PTP4A3: variants seen among roughly 807,000 people sequenced by gnomAD.
The protein encoded by PTP4A3 is protein tyrosine phosphatase 4A3, also known as protein tyrosine phosphatase type IVA 3.
In PTP4A3, 9 loss-of-function variants were observed where a neutral mutation model predicts 15.2. That is an observed-to-expected ratio of 0.59 (90% CI 0.36 to 1.03). The LOEUF (loss-of-function observed/expected upper bound fraction) is 1.03. Ranked by LOEUF, PTP4A3 falls within the 50% of genes least tolerant of loss-of-function variation. The probability of loss-of-function intolerance (pLI) is 0.02; values close to 1 mark genes in which losing one functional copy is unlikely to be tolerated. For missense variants in PTP4A3, 234 were observed against 252.1 expected (o/e 0.93, Z 0.49); for synonymous variants, 95 against 102.0 (o/e 0.93, Z 0.41).
At chr8:141,426,060 CAG>C (rs1464899702) in intron 3 of PTP4A3, among the ~76,000 whole-genome samples, 5 of 152,170 alleles carry the variant, frequency 3.3e-5, no homozygotes, top group Non-Finnish European at 7.4e-5. Flanking sequence ...GGATTGGGGT[CAG>C]ACGTAAGTAG....
intron 2 of PTP4A3, among the ~76,000 whole-genome samples, chr8:141,424,514 C>A (rs150179448): frequency 2.7e-3 from 417 of 152,194 alleles, no homozygotes; most frequent in African/African-American, 9.7e-3. Context: ...GCTGGGGTCG[C>A]TGTTCGGATG....
chr8:141,405,565 G>A (rs1469044252), intron 1 of PTP4A3, among the ~76,000 whole-genome samples: 3 of 152,198 alleles, frequency 2.0e-5, no homozygotes, highest in Admixed American at 2.0e-4. Flanking sequence ...GCTTGTCTCT[G>A]CCTTACTCCC....
At chr8:141,419,941 G>A (rs1390612885) in intron 1 of PTP4A3, among the ~76,000 whole-genome samples, 1 of 152,178 alleles carries the variant, frequency 6.6e-6, no homozygotes, top group Non-Finnish European at 1.5e-5. Flanking sequence ...TGTGGCGGCT[G>A]CTCTGAGCCC....
intron 1 of PTP4A3, among the ~76,000 whole-genome samples, chr8:141,402,607 G>T (rs1241788702): frequency 6.6e-6 from 1 of 152,148 alleles, no homozygotes; most frequent in Admixed American, 6.5e-5. Context: ...GCTGGGTGGA[G>T]TGGGGGCAGG....
Position 141,425,181 on chromosome 8 carries a change from CG to C in PTP4A3, c.198+46del. 1 of 345,420 alleles carries C rather than the reference CG, an allele frequency of 2.9e-6. No homozygotes were observed. 21.4% of individuals were successfully genotyped at this position (345,420 alleles called of 1,614,324 possible). Reference sequence around the variant, plus strand: ...CGGGGACCCTAGTCACTGCTGCCACCGGGGGAGGGTGGGGCGGGGGGCTCCG... The same window carrying C: ...CGGGGACCCTAGTCACTGCTGCCACCGGGGAGGGTGGGGCGGGGGGCTCCG... On this transcript the variant is annotated intron_variant, in intron 3 of 5. Transcript: ENST00000521578. The surrounding 1 kb of genome is among the most constrained non-coding windows in gnomAD (Gnocchi z 4.2).
At chr8:141,392,227 T>C (rs1195794628) in intron 1 of PTP4A3, 143 bp downstream of exon 1, 1 of 150,938 alleles carries the variant, frequency 6.6e-6, no homozygotes, top group African/African-American at 2.4e-5. Context: ...GCCTTCCCCC[T>C]GCCCGCGCGT....
chr8:141,430,910 T>C lies in PTP4A3; in HGVS notation c.405-17T>C, dbSNP rs1361637161. 6.2e-7 allele frequency: 1 copy of C among 1,611,836 alleles called. No individual in the cohort carries two copies. The highest frequency in any genetic ancestry group is 8.5e-7 in the Non-Finnish European group (1 of 1,179,012). The stretch of plus-strand genomic sequence containing the variant: ...CAGGTCCTTGGATGATCTCTGTTCC[T>C]GTTCCCCTCTTCCCAGGAAGCGCCG... On this transcript the variant is annotated splice_polypyrimidine_tract_variant and intron_variant, in intron 5 of 5. Transcript: ENST00000521578.
chr8:141,410,643 G>T (rs1043768824), intron 1 of PTP4A3, among the ~76,000 whole-genome samples: 5 of 152,142 alleles, frequency 3.3e-5, no homozygotes, highest in Admixed American at 1.3e-4. Context: ...GCCTTCCAGC[G>T]AACCCATCCT....
chr8:141,396,881 A>T (rs1452621441), intron 1 of PTP4A3, among the ~76,000 whole-genome samples: 2 of 152,074 alleles, frequency 1.3e-5, no homozygotes, highest in African/African-American at 2.4e-5. Context: ...GGGGTTCCAG[A>T]CACAGTGGAT....
intron 1 of PTP4A3, among the ~76,000 whole-genome samples, chr8:141,417,405 G>GT (rs895668587): frequency 1.3e-5 from 2 of 152,166 alleles, no homozygotes; most frequent in African/African-American, 2.4e-5. Flanking sequence ...GGTGGGGCTG[G>GT]TGGGCTGGGC....
At chr8:141,403,790 C>T (rs1199142709) in intron 1 of PTP4A3, among the ~76,000 whole-genome samples, 1 of 152,260 alleles carries the variant, frequency 6.6e-6, no homozygotes, top group East Asian at 1.9e-4. Flanking sequence ...TGGTCGGGAG[C>T]TCCTCCTGCC....
At chr8:141,396,987 G>T (rs1434831612) in intron 1 of PTP4A3, among the ~76,000 whole-genome samples, 1 of 152,092 alleles carries the variant, frequency 6.6e-6, no homozygotes, top group Non-Finnish European at 1.5e-5. Flanking sequence ...CTGGCTGGGG[G>T]CCTGGAGCCC....
chr8:141,414,381 T>C (rs576926763), intron 1 of PTP4A3, among the ~76,000 whole-genome samples: 9 of 122,758 alleles, frequency 7.3e-5, no homozygotes, highest in Admixed American at 1.6e-4. Context: ...TGGGTAGACC[T>C]GGCTTCTGGG....
intron 1 of PTP4A3, among the ~76,000 whole-genome samples, chr8:141,402,664 G>A (rs571374028): frequency 5.9e-5 from 9 of 151,954 alleles, no homozygotes; most frequent in South Asian, 2.1e-4. Context: ...TGGCCCTTCC[G>A]CCTCTGGCTA....
At chr8:141,422,496 G>C in intron 2 of PTP4A3, 151 bp downstream of exon 2, 2 of 827,028 alleles carry the variant, frequency 2.4e-6, no homozygotes, top group Middle Eastern at 3.3e-4. Flanking sequence ...CCTGTTACAG[G>C]ATCCTGGAGG....
intron 1 of PTP4A3, among the ~76,000 whole-genome samples, chr8:141,419,554 G>A (rs1026887021): frequency 4.0e-5 from 6 of 148,246 alleles, no homozygotes; most frequent in Admixed American, 1.4e-4. Flanking sequence ...CCTTCTGGGG[G>A]TCCCACCCCA....
At chr8:141,426,457 C>T in intron 3 of PTP4A3, 1 of 985,480 alleles carries the variant, frequency 1.0e-6, no homozygotes, top group Non-Finnish European at 1.2e-6. Context: ...CCCCACAGCC[C>T]TGTCTTCAGT....
At chr8:141,410,845 G>GGT (rs1210445804) in intron 1 of PTP4A3, among the ~76,000 whole-genome samples, 1 of 152,128 alleles carries the variant, frequency 6.6e-6, no homozygotes. Flanking sequence ...CAGGCCTTGC[G>GGT]GGTGGAAAGG....
intron 5 of PTP4A3, among the ~76,000 whole-genome samples, chr8:141,428,847 A>C (rs1833708702): frequency 6.6e-6 from 1 of 152,214 alleles, no homozygotes; most frequent in Non-Finnish European, 1.5e-5. Flanking sequence ...CATACAGACA[A>C]GCGGGTATTT....
Sources: allele counts gnomAD v4.1 joint callset (sites outside exome capture counted in the v4.1 genomes callset), GRCh38; gene constraint gnomAD v4.1.1; non-coding constraint Gnocchi (gnomAD v3.1); transcripts MANE v1.5; gene names NCBI Gene and HGNC (gene_info 2026-07-23, HGNC 2026-07-21).